Variants in RALY observed in about 807,000 individuals in gnomAD.
The protein encoded by RALY is RALY heterogeneous nuclear ribonucleoprotein, also known as RNA-binding protein Raly.
A neutral mutation model predicts 30.7 loss-of-function variants in RALY; 15 were observed. The ratio of observed to expected loss-of-function variants is 0.49; its 90% CI spans 0.33 to 0.75. The LOEUF (loss-of-function observed/expected upper bound fraction) is 0.75, where lower values mean the gene tolerates loss of function less well. RALY is among the 30% of genes least tolerant of loss of function. The pLI, the probability that RALY is intolerant of heterozygous loss-of-function variation, is 0.02. For missense variants in RALY, 339 were observed against 414.3 expected (o/e 0.82, Z 1.58); for synonymous variants, 177 against 170.8 (o/e 1.04, Z -0.28).
intron 2 of RALY, among the ~76,000 whole-genome samples, chr20:34,045,694 C>T (rs781106576): frequency 3.0e-4 from 46 of 152,202 alleles, no homozygotes; most frequent in Non-Finnish European, 7.3e-5. Flanking sequence ...TTTTCTTCTC[C>T]CTCATGTAGC....
At chr20:34,020,309 A>T (rs1376550240) in intron 1 of RALY, among the ~76,000 whole-genome samples, 4 of 152,200 alleles carry the variant, frequency 2.6e-5, no homozygotes, top group Non-Finnish European at 4.4e-5. Context: ...GACTTCTCCC[A>T]GGTGTTGGCA....
chr20:34,024,814 G>C (rs1016179052), intron 1 of RALY, among the ~76,000 whole-genome samples: 1 of 152,116 alleles, frequency 6.6e-6, no homozygotes, highest in African/African-American at 2.4e-5. Flanking sequence ...TATTATGCCT[G>C]GGCATAGGCA....
chr20:34,019,383 C>T (rs939758845), intron 1 of RALY, among the ~76,000 whole-genome samples: 1 of 151,926 alleles, frequency 6.6e-6, no homozygotes, highest in Admixed American at 6.6e-5. Context: ...TCCTTTAACT[C>T]AGCACAGGTG....
At chr20:34,037,902 G>T (rs1337003724) in intron 2 of RALY, among the ~76,000 whole-genome samples, 1 of 152,166 alleles carries the variant, frequency 6.6e-6, no homozygotes, top group Non-Finnish European at 1.5e-5. Flanking sequence ...GGCTCCTAGA[G>T]AATTCTATGC....
At chr20:34,029,117 T>C (rs1478212838) in intron 1 of RALY, among the ~76,000 whole-genome samples, 1 of 151,966 alleles carries the variant, frequency 6.6e-6, no homozygotes, top group Non-Finnish European at 1.5e-5. Flanking sequence ...TTTCAAGAAA[T>C]ATGCCAGCAG....
intron 1 of RALY, among the ~76,000 whole-genome samples, chr20:34,017,037 C>T (rs1315602061): frequency 3.1e-5 from 2 of 64,358 alleles, no homozygotes; most frequent in African/African-American, 7.2e-5. Context: ...CCCACCTCCC[C>T]TGGGGACCAG....
At chr20:34,035,165 A>C (rs1259907601) in intron 2 of RALY, among the ~76,000 whole-genome samples, 1 of 116,316 alleles carries the variant, frequency 8.6e-6, no homozygotes, top group Admixed American at 8.1e-5. Flanking sequence ...AAAAAAAAAA[A>C]AAAAAAAAAA....
Position 34,077,012 on chromosome 20 carries a change from AC to A in RALY, c.659-12del. The A allele has an allele frequency of 6.2e-7, 1 of 1,610,106 alleles. No homozygotes were observed. The highest frequency in any genetic ancestry group is 8.5e-7 in the Non-Finnish European group (1 of 1,178,860). On this transcript the variant is annotated splice_polypyrimidine_tract_variant and intron_variant, in intron 7 of 9. Transcript: ENST00000246194. ...GCTGAGTTTTATTCTCCCCTCCTCCACCCCTTCCCCTCAAGATGGCAAGAAG... is the reference window on the plus strand; with the variant it reads ...GCTGAGTTTTATTCTCCCCTCCTCCACCCTTCCCCTCAAGATGGCAAGAAG...
intron 2 of RALY, among the ~76,000 whole-genome samples, chr20:34,055,463 G>A (rs182003937): frequency 2.0e-5 from 3 of 152,142 alleles, no homozygotes; most frequent in Non-Finnish European, 2.9e-5. Context: ...GTGGGGCATG[G>A]GGGCTGTGGT....
intron 2 of RALY, among the ~76,000 whole-genome samples, chr20:34,040,253 T>C (rs553802234): frequency 1.3e-5 from 2 of 152,306 alleles, no homozygotes; most frequent in South Asian, 4.1e-4. Flanking sequence ...TTGTGTCTCA[T>C]TCCAGAGTTT....
At chr20:34,023,314 C>G (rs548723186) in intron 1 of RALY, among the ~76,000 whole-genome samples, 1 of 152,310 alleles carries the variant, frequency 6.6e-6, no homozygotes, top group South Asian at 2.1e-4. Context: ...CTGAATATTT[C>G]TTGCTCCCAA....
chr20:34,048,051 A>G (rs905439954), intron 2 of RALY, among the ~76,000 whole-genome samples: 7 of 152,352 alleles, frequency 4.6e-5, no homozygotes, highest in Middle Eastern at 3.4e-3. Flanking sequence ...CAGCAGAGAT[A>G]CAGGAGCAGA....
At chr20:34,044,434 C>T (rs2032807405) in intron 2 of RALY, among the ~76,000 whole-genome samples, 1 of 152,144 alleles carries the variant, frequency 6.6e-6, no homozygotes, top group Non-Finnish European at 1.5e-5. Flanking sequence ...GATTCTTCTG[C>T]CTCAGCCTCC....
intron 1 of RALY, among the ~76,000 whole-genome samples, chr20:34,010,708 G>A (rs1156947986): frequency 3.3e-5 from 5 of 152,164 alleles, no homozygotes; most frequent in Admixed American, 1.3e-4. Flanking sequence ...CTCAAAAAGC[G>A]TAGTAAGCTA....
At chr20:34,055,688 A>C (rs1218272461) in intron 2 of RALY, among the ~76,000 whole-genome samples, 1 of 152,222 alleles carries the variant, frequency 6.6e-6, no homozygotes, top group Non-Finnish European at 1.5e-5. Flanking sequence ...ATCAGACCCC[A>C]CTGCCCAACG....
intron 1 of RALY, among the ~76,000 whole-genome samples, chr20:34,002,519 A>G (rs1340275105): frequency 1.3e-5 from 2 of 152,206 alleles, no homozygotes; most frequent in East Asian, 1.9e-4. Flanking sequence ...TGGCTCATAT[A>G]TTTGGATTGA....
At chr20:34,051,336 TG>T (rs1293508010) in intron 2 of RALY, among the ~76,000 whole-genome samples, 3 of 152,140 alleles carry the variant, frequency 2.0e-5, no homozygotes, top group African/African-American at 7.2e-5. Flanking sequence ...TGAGTACTCC[TG>T]GGTTTGAAAT....
intron 1 of RALY, among the ~76,000 whole-genome samples, chr20:34,028,728 A>C (rs1166789905): frequency 6.6e-6 from 1 of 151,082 alleles, no homozygotes; most frequent in East Asian, 1.9e-4. Flanking sequence ...AAAAAAAAAA[A>C]AAAAAACATG....
chr20:34,057,964 C>T (rs889066860), intron 2 of RALY, among the ~76,000 whole-genome samples: 1 of 152,094 alleles, frequency 6.6e-6, no homozygotes, highest in African/African-American at 2.4e-5. Flanking sequence ...CTGTCTCTGT[C>T]CAAAGCCATG....
Sources: allele counts gnomAD v4.1 joint callset (sites outside exome capture counted in the v4.1 genomes callset), GRCh38; gene constraint gnomAD v4.1.1; transcripts MANE v1.5; gene names NCBI Gene and HGNC (gene_info 2026-07-23, HGNC 2026-07-21).